The following ZFAT variants were observed in gnomAD, a reference collection of about 807,000 sequenced individuals.
The protein encoded by ZFAT is zinc finger protein ZFAT.
A neutral mutation model predicts 117.7 loss-of-function variants in ZFAT; 64 were observed. That is an observed-to-expected ratio of 0.54 (90% confidence interval 0.44 to 0.67). The LOEUF is 0.67. ZFAT is among the 30% of genes least tolerant of loss of function. The pLI, the probability that ZFAT is intolerant of heterozygous loss-of-function variation, is 0.00. For missense variants in ZFAT, 1,433 were observed against 1,584.5 expected, an observed-to-expected ratio of 0.90 and a Z score of 1.62; for synonymous variants, 679 against 615.0, an observed-to-expected ratio of 1.10 and a Z score of -1.54.
the ZFAT span, among the ~76,000 whole-genome samples, chr8:134,825,504 A>C: frequency 1.3e-5 from 2 of 152,272 alleles, no homozygotes; most frequent in African/African-American, 4.8e-5. Context: ...CAAGGATCTC[A>C]GATAGTTATT....
At position 134,702,208 on chromosome 8, in the gene ZFAT, A is replaced by G. The variant is rs141747789; in HGVS notation, c.19+10637T>C. Among the ~76,000 whole-genome samples, 463 of 152,330 alleles carry G rather than the reference A, an allele frequency of 3.0e-3. 2 individuals carry two copies. The highest frequency in any genetic ancestry group is 0.011 in the African/African-American group (443 of 41,568). The stretch of plus-strand genomic sequence containing the variant: ...AAGAAATAAATTCCTTTCCTTATAA[A>G]TTACCCAACTTCAGGTATTCTGTTA... On this transcript the variant is annotated intron_variant, in intron 1 of 15. Transcript: ENST00000377838.
chr8:134,727,142 A>C, the ZFAT span, among the ~76,000 whole-genome samples: 1 of 152,080 alleles, frequency 6.6e-6, no homozygotes, highest in Non-Finnish European at 1.5e-5. Context: ...GAGAAAAAAA[A>C]AAACAAAACA....
At chr8:134,480,959 C>G (rs1817262712) in intron 15 of ZFAT, among the ~76,000 whole-genome samples, 1 of 152,120 alleles carries the variant, frequency 6.6e-6, no homozygotes, top group Non-Finnish European at 1.5e-5. Flanking sequence ...GGGGTGAGCT[C>G]CGGAGGTTCC....
the ZFAT span, among the ~76,000 whole-genome samples, chr8:134,828,691 T>A: frequency 6.6e-6 from 1 of 152,204 alleles, no homozygotes; most frequent in South Asian, 2.1e-4. Context: ...TTTTTCTACA[T>A]AAGCAAAGCA....
chr8:134,609,623 A>G (rs1828167509), intron 4 of ZFAT, among the ~76,000 whole-genome samples: 2 of 152,240 alleles, frequency 1.3e-5, no homozygotes, highest in South Asian at 4.1e-4. Flanking sequence ...AAAAGGCTGT[A>G]GCTGTCCTTA....
At chr8:134,550,389 C>T (rs1249348488) in intron 11 of ZFAT, among the ~76,000 whole-genome samples, 7 of 145,840 alleles carry the variant, frequency 4.8e-5, no homozygotes, top group African/African-American at 1.8e-4. Context: ...ATTTACGAAG[C>T]ACAAACCTAT....
chr8:134,486,550 G>A (rs1383519566), intron 15 of ZFAT, among the ~76,000 whole-genome samples: 1 of 152,192 alleles, frequency 6.6e-6, no homozygotes, highest in Non-Finnish European at 1.5e-5. Flanking sequence ...AGGCACCCGG[G>A]GTTGTGGCTC....
the ZFAT span, among the ~76,000 whole-genome samples, chr8:134,742,777 C>A: frequency 1.3e-5 from 2 of 152,214 alleles, no homozygotes; most frequent in African/African-American, 2.4e-5. Context: ...ATATCCCAGA[C>A]CTTCTGGAGC....
chr8:134,513,655 T>C (rs1410691130), intron 13 of ZFAT, among the ~76,000 whole-genome samples: 2 of 152,160 alleles, frequency 1.3e-5, no homozygotes, highest in African/African-American at 4.8e-5. Context: ...TAATTATCTC[T>C]TTCTGGAAGG....
the ZFAT span, among the ~76,000 whole-genome samples, chr8:134,802,226 C>A: frequency 6.6e-6 from 1 of 152,168 alleles, no homozygotes; most frequent in Non-Finnish European, 1.5e-5. Context: ...GTGGCAGAGA[C>A]TATCTGAAAC....
At chr8:134,493,830 T>C (rs4076195) in intron 15 of ZFAT, among the ~76,000 whole-genome samples, 73,864 of 152,018 alleles carry the variant, frequency 0.49, 18,173 homozygotes, top group African/African-American at 0.56. Context: ...GCCATGGCCA[T>C]ATGGCACCCA....
chr8:134,490,199 G>T (rs576249911), intron 15 of ZFAT, among the ~76,000 whole-genome samples: 10 of 152,352 alleles, frequency 6.6e-5, no homozygotes, highest in Admixed American at 2.0e-4. Context: ...GGGAGACACA[G>T]AATCTGAGAG....
rs145847956 is a variant in ZFAT at position 134,657,174 on chromosome 8, C to T, written c.196+387G>A. On this transcript the variant is annotated intron_variant, in intron 2 of 15. Transcript: ENST00000377838. ...ATTCTTTAACTTCATCCTCACAGAC[C>T]CCCTTGTAACCAGCATATTTCTCAT... 4.2e-3 allele frequency among the ~76,000 whole-genome samples: 636 copies of T among 152,216 alleles called. 9 individuals are homozygous for T. The highest frequency in any genetic ancestry group is 0.014 in the African/African-American group (601 of 41,514).
chr8:134,821,099 T>C, the ZFAT span, among the ~76,000 whole-genome samples: 2 of 152,324 alleles, frequency 1.3e-5, no homozygotes, highest in Admixed American at 6.5e-5. Context: ...GAAGATTAAA[T>C]AGATGTGAAA....
chr8:134,596,475 G>T (rs1826945870), intron 7 of ZFAT, among the ~76,000 whole-genome samples: 1 of 152,182 alleles, frequency 6.6e-6, no homozygotes. Context: ...AGATGCTTCA[G>T]AATTTTTCTT....
chr8:134,605,729 A>G (rs1827841258), intron 5 of ZFAT, among the ~76,000 whole-genome samples: 1 of 152,222 alleles, frequency 6.6e-6, no homozygotes, highest in Admixed American at 6.5e-5. Context: ...AGGTACCAAC[A>G]TAGGGAACTA....
rs1827346166 is a variant in ZFAT at position 134,600,624 on chromosome 8, T to C, written c.2287A>G (p.Thr763Ala). 1 of 1,611,760 alleles carries C rather than the reference T, an allele frequency of 6.2e-7. No individual in the cohort carries two copies. The highest frequency in any genetic ancestry group is 1.1e-5 in the South Asian group (1 of 90,968). ...TAATACAGATGTTCCCGGGTGTGGG[T>C]GCGGACATGCATATCAAAATGCACT... ...YQVHFDMHVR[T>A]HTREHLYYCS... The change falls in exon 7 of 16, where the codon ACC becomes GCC. Residue 763 changes from threonine (T) to alanine (A), a missense_variant. By Grantham distance (58) the Thr-to-Ala change is moderately conservative. Transcript: ENST00000377838.
chr8:134,553,861 A>C (rs1052874583), intron 11 of ZFAT, among the ~76,000 whole-genome samples: 6 of 152,188 alleles, frequency 3.9e-5, no homozygotes, highest in African/African-American at 1.4e-4. Flanking sequence ...AGTAAGTGGG[A>C]AGCCAGGATT....
intron 10 of ZFAT, among the ~76,000 whole-genome samples, chr8:134,575,264 A>G (rs1206372711): frequency 6.6e-6 from 1 of 152,190 alleles, no homozygotes. Flanking sequence ...TGATTAAGCT[A>G]AAGATCTTGA....
Sources: allele counts gnomAD v4.1 joint callset (sites outside exome capture counted in the v4.1 genomes callset), GRCh38; gene constraint gnomAD v4.1.1; transcripts MANE v1.5; gene names NCBI Gene and HGNC (gene_info 2026-07-23, HGNC 2026-07-21).